The following DLGAP2 variants were observed in gnomAD, a reference collection of about 807,000 sequenced individuals.
The protein encoded by DLGAP2 is disks large-associated protein 2.
DLGAP2 carries 26 observed loss-of-function variants against 100.3 expected under a neutral mutation model. The observed-to-expected ratio is 0.26, with a 90% CI of 0.19 to 0.36. DLGAP2 has a LOEUF of 0.36. Ranked by LOEUF, DLGAP2 falls within the 10% of genes least tolerant of loss-of-function variation. The pLI is 1.00. For synonymous variants in DLGAP2, 886 were observed against 630.1 expected (o/e 1.41, Z -6.08); for missense variants, 1,858 against 1,453.2 (o/e 1.28, Z -4.53).
chr8:1,301,085 C>G (rs879331800), intron 3 of DLGAP2: 1 of 152,412 alleles, frequency 6.6e-6, no homozygotes, highest in Non-Finnish European at 1.5e-5. Context: ...CTGTCTGCCC[C>G]CCGCCCTCTG....
chr8:1,173,413 C>G (rs1034810054), intron 2 of DLGAP2, among the ~76,000 whole-genome samples: 4 of 152,208 alleles, frequency 2.6e-5, no homozygotes, highest in African/African-American at 4.8e-5. Flanking sequence ...CTCTTCAAAG[C>G]TGTCAGACAG....
intron 3 of DLGAP2, among the ~76,000 whole-genome samples, chr8:1,479,055 T>A (rs1799016384): frequency 6.6e-6 from 1 of 152,206 alleles, no homozygotes; most frequent in Non-Finnish European, 1.5e-5. Flanking sequence ...TGCTTCCAGT[T>A]GCATAGCACC....
At chr8:1,624,869 G>GTCTCTCTCTCTTTC (rs59084397) in intron 6 of DLGAP2, among the ~76,000 whole-genome samples, 4 of 149,668 alleles carry the variant, frequency 2.7e-5, no homozygotes, top group African/African-American at 7.4e-5. Flanking sequence ...CTCTCTCTCT[G>GTCTCTCTCTCTTTC]TCTCTCTCTC....
intron 2 of DLGAP2, among the ~76,000 whole-genome samples, chr8:918,695 C>T (rs1222942288): frequency 1.3e-5 from 2 of 152,182 alleles, no homozygotes; most frequent in Admixed American, 1.3e-4. Flanking sequence ...CCCTGTTATT[C>T]AACTTAAGTT....
At chr8:1,287,798 T>G (rs1461398130) in intron 3 of DLGAP2, among the ~76,000 whole-genome samples, 2 of 119,764 alleles carry the variant, frequency 1.7e-5, no homozygotes, top group African/African-American at 6.9e-5. Flanking sequence ...TATGTGTGTG[T>G]GGTTCTGTTA....
intron 3 of DLGAP2, among the ~76,000 whole-genome samples, chr8:1,270,686 A>G (rs1554430697): frequency 7.4e-6 from 1 of 134,774 alleles, no homozygotes; most frequent in Non-Finnish European, 1.6e-5. Flanking sequence ...CTCTCTATTT[A>G]TGTCTCTGTG....
At chr8:1,449,315 G>C (rs1405735854) in intron 3 of DLGAP2, among the ~76,000 whole-genome samples, 1 of 152,226 alleles carries the variant, frequency 6.6e-6, no homozygotes, top group Non-Finnish European at 1.5e-5. Flanking sequence ...GGACTAAAGA[G>C]TGAAGGGTCA....
intron 3 of DLGAP2, among the ~76,000 whole-genome samples, chr8:1,348,518 G>A (rs1276202253): frequency 6.6e-6 from 1 of 150,814 alleles, no homozygotes; most frequent in Non-Finnish European, 1.5e-5. Context: ...CATGATAGCT[G>A]TTTGGAGATT....
At chr8:1,452,925 C>T (rs1352235718) in intron 3 of DLGAP2, among the ~76,000 whole-genome samples, 1 of 152,146 alleles carries the variant, frequency 6.6e-6, no homozygotes, top group Non-Finnish European at 1.5e-5. Context: ...GAGCCCCCAC[C>T]ATGCAGTGGA....
chr8:1,683,252 T>C (rs1306438492), intron 12 of DLGAP2, among the ~76,000 whole-genome samples: 1 of 151,610 alleles, frequency 6.6e-6, no homozygotes, highest in Non-Finnish European at 1.5e-5. Flanking sequence ...GGCACTGTGC[T>C]GGGCCTTGAC....
At chr8:897,162 A>G (rs1305896157) in intron 1 of DLGAP2, among the ~76,000 whole-genome samples, 1 of 152,038 alleles carries the variant, frequency 6.6e-6, no homozygotes, top group Non-Finnish European at 1.5e-5. Flanking sequence ...TTTCATGGAG[A>G]TGCTGGAATC....
chr8:1,283,020 C>T (rs1161618244), intron 3 of DLGAP2, among the ~76,000 whole-genome samples: 4 of 129,918 alleles, frequency 3.1e-5, no homozygotes. Context: ...ATGGTGTGAC[C>T]TGAGCCCAGC....
At chr8:1,449,475 G>A (rs555678453) in intron 3 of DLGAP2, among the ~76,000 whole-genome samples, 6 of 152,278 alleles carry the variant, frequency 3.9e-5, no homozygotes, top group East Asian at 1.9e-4. Context: ...GGGACGGGAC[G>A]GCACCAGCGG....
chr8:1,347,551 G>T, intron 3 of DLGAP2, among the ~76,000 whole-genome samples: 1 of 152,044 alleles, frequency 6.6e-6, no homozygotes, highest in South Asian at 2.1e-4. Flanking sequence ...CGGAGGTTTT[G>T]TTCCTACACA....
intron 12 of DLGAP2, among the ~76,000 whole-genome samples, chr8:1,683,856 A>ATATATATGTGTGTG (rs1467438870): frequency 1.6e-5 from 1 of 62,228 alleles, no homozygotes; most frequent in African/African-American, 8.4e-5. Context: ...ATATATATAT[A>ATATATATGTGTGTG]TGTGTGTGTG....
At chr8:1,428,791 G>A (rs1797314353) in intron 3 of DLGAP2, among the ~76,000 whole-genome samples, 1 of 152,200 alleles carries the variant, frequency 6.6e-6, no homozygotes, top group Non-Finnish European at 1.5e-5. Flanking sequence ...ATCAGTGCAT[G>A]TGCTGCACAC....
At chr8:1,547,468 G>A (rs1446386347) in intron 4 of DLGAP2, among the ~76,000 whole-genome samples, 1 of 152,088 alleles carries the variant, frequency 6.6e-6, no homozygotes, top group Non-Finnish European at 1.5e-5. Context: ...GTGACAAGGA[G>A]GAGGGTCTGG....
intron 3 of DLGAP2, among the ~76,000 whole-genome samples, chr8:1,443,234 G>A (rs545208234): frequency 2.0e-5 from 3 of 152,036 alleles, no homozygotes; most frequent in African/African-American, 4.8e-5. Context: ...TCCCTCCACT[G>A]CCCACAGATA....
intron 2 of DLGAP2, among the ~76,000 whole-genome samples, chr8:928,968 C>CA (rs1798880258): frequency 6.9e-6 from 1 of 145,182 alleles, no homozygotes; most frequent in South Asian, 2.3e-4. Flanking sequence ...GATGAAGACC[C>CA]CCCCCGCCAT....
Sources: gnomAD v4.1 joint callset for allele counts (sites outside exome capture counted in the v4.1 genomes callset) on GRCh38, gnomAD v4.1.1 for gene constraint, MANE v1.5 for transcripts, NCBI Gene and HGNC (gene_info 2026-07-23, HGNC 2026-07-21) for gene names.